PLAC1: variants seen among roughly 807,000 people sequenced by gnomAD.
The protein encoded by PLAC1 is placenta-specific protein 1.
For missense variants in PLAC1, 136 were observed against 163.2 expected (o/e 0.83, Z 0.91); for synonymous variants, 68 against 62.1 (o/e 1.09, Z -0.44).
At chrX:134,758,644 C>G (rs1367301998) in intron 1 of PLAC1, among the ~76,000 whole-genome samples, 1 of 111,848 alleles carries the variant, frequency 8.9e-6, no homozygotes, top group Non-Finnish European at 1.9e-5. Context: ...AAAATCGACT[C>G]AAAATGGATT....
In PLAC1 at chrX:134,566,279, T is replaced by A; in HGVS notation, c.404A>T (p.Lys135Met). The stretch of plus-strand genomic sequence containing the variant: ...ATCCTTCTGGGCTGTGGCCCTGCTC[T>A]TGCTGGCTACTCTCATGGAGCAGGG... ...TKPCSMRVAS[K>M]SRATAQKDEK... Residue 135 changes from lysine (K) to methionine (M), a missense_variant, in exon 3 of 3, where the codon AAG (lysine) becomes ATG (methionine). Coordinates refer to ENST00000359237, the MANE Select transcript of PLAC1 (RefSeq NM_021796.4). 1.7e-6 allele frequency: 2 copies of A among 1,211,950 alleles called. No homozygotes were observed. The highest frequency in any genetic ancestry group is 2.2e-6 in the Non-Finnish European group (2 of 895,457).
intron 2 of PLAC1, among the ~76,000 whole-genome samples, chrX:134,706,120 G>GT (rs777259436): frequency 1.8e-5 from 2 of 112,590 alleles, no homozygotes; most frequent in Non-Finnish European, 3.8e-5. Flanking sequence ...GCTAGCCAGT[G>GT]TATCAGAAAA....
In PLAC1 at chrX:134,566,369, G is replaced by A. The variant is rs766640175; in HGVS notation, c.314C>T (p.Thr105Met). ...CACTGGGATCACAAACTTAGATGGC[G>A]TGCCCTTAGAAGAGTAGTGTATCTC... ...STEIHYSSKGTPSKFVIPVSC... is the reference protein window; with the variant it reads ...STEIHYSSKGMPSKFVIPVSC... Residue 105 changes from threonine (T) to methionine (M), a missense_variant, in exon 3 of 3, where the codon ACG becomes ATG. Thr to Met is a moderately conservative substitution (Grantham distance 81). Coordinates refer to ENST00000359237, the MANE Select transcript of PLAC1 (RefSeq NM_021796.4). The A allele has an allele frequency of 1.7e-5, 21 of 1,209,684 alleles. No individual in the cohort carries two copies. Among genetic ancestry groups the A allele is most frequent in the African/African-American group, 7.0e-5 (4 of 57,104 alleles).
rs191855665 is a variant in PLAC1 at position 134,694,458 on chromosome X, T to G, written n.174+38977A>C. On this transcript the variant is annotated intron_variant and non_coding_transcript_variant, in intron 2 of 2. Transcript: ENST00000466797. Reference sequence around the variant, plus strand: ...CAGCTGAGCACCTGGCAATTTCCTATTGATGCCTGTTCAGCTGTCACCTTC... The same window carrying G: ...CAGCTGAGCACCTGGCAATTTCCTAGTGATGCCTGTTCAGCTGTCACCTTC... 3.3e-3 allele frequency among the ~76,000 whole-genome samples: 373 copies of G among 111,805 alleles called. 1 individual carries two copies. The highest frequency in any genetic ancestry group is 5.3e-3 in the Non-Finnish European group (282 of 53,188).
At chrX:134,763,060 T>C (rs931323302) in intron 1 of PLAC1, among the ~76,000 whole-genome samples, 3 of 110,723 alleles carry the variant, frequency 2.7e-5, no homozygotes, top group Non-Finnish European at 5.7e-5. Context: ...TGCTATGAGA[T>C]GTTAATTTTG....
chrX:134,694,958 A>T, intron 2 of PLAC1, among the ~76,000 whole-genome samples: 1 of 112,167 alleles, frequency 8.9e-6, no homozygotes, highest in East Asian at 2.8e-4. Context: ...CATCCTAAGG[A>T]TGTTTTGAAA....
chrX:134,578,152 G>A (rs1166369967), intron 2 of PLAC1, among the ~76,000 whole-genome samples: 3 of 111,290 alleles, frequency 2.7e-5, no homozygotes, highest in Non-Finnish European at 5.7e-5. Context: ...AGTGGCTCAC[G>A]CCTGTAATCC....
At chrX:134,759,630 G>C (rs2078765156) in intron 1 of PLAC1, among the ~76,000 whole-genome samples, 1 of 111,962 alleles carries the variant, frequency 8.9e-6, no homozygotes, top group Non-Finnish European at 1.9e-5. Context: ...GTTTACTGCA[G>C]CACTCTTCAA....
chrX:134,670,608 C>G (rs2078452347), intron 2 of PLAC1, among the ~76,000 whole-genome samples: 1 of 111,431 alleles, frequency 9.0e-6, no homozygotes, highest in African/African-American at 3.3e-5. Context: ...AGTCCCTGAG[C>G]ACACCACCAA....
intron 1 of PLAC1, among the ~76,000 whole-genome samples, chrX:134,654,351 A>G (rs1175497440): frequency 1.8e-5 from 2 of 112,047 alleles, no homozygotes; most frequent in African/African-American, 6.5e-5. Context: ...CAAATACCCA[A>G]ATGATTCTTA....
chrX:134,760,254 G>A (rs955561697), intron 1 of PLAC1: 1 of 111,623 alleles, frequency 9.0e-6, no homozygotes, highest in East Asian at 2.8e-4. Flanking sequence ...TATATTTCAA[G>A]CCATCATGGC....
upstream of PLAC1, among the ~76,000 whole-genome samples, chrX:134,660,340 G>A (rs1200399938): frequency 9.0e-6 from 1 of 111,274 alleles, no homozygotes; most frequent in African/African-American, 3.3e-5. Context: ...TCCTGACCTC[G>A]GGTGATCCAC....
chrX:134,583,456 C>T lies in PLAC1; in HGVS notation c.-58-16716G>A, dbSNP rs140503267. Among the ~76,000 whole-genome samples, 278 of 99,245 alleles carry T rather than the reference C, an allele frequency of 2.8e-3. 6 individuals are homozygous for T. Among genetic ancestry groups the T allele is most frequent in the African/African-American group, 9.6e-3 (260 of 26,949 alleles). The allele number at this position is 99,245 out of a possible 115,157, so 86.2% of individuals were successfully genotyped here. On this transcript the variant is annotated intron_variant, in intron 2 of 2. Transcript: ENST00000359237. ...GTTGTTTTTTTTTTTTTTAAATGCC[C>T]AGAGAATTGGAGATATACAGACCTA... is the stretch of plus-strand genomic sequence containing the variant.
chrX:134,699,885 T>A (rs745997149), intron 2 of PLAC1, among the ~76,000 whole-genome samples: 11 of 112,188 alleles, frequency 9.8e-5, no homozygotes, highest in Non-Finnish European at 2.1e-4. Flanking sequence ...CTGGTGTAAC[T>A]AATCTACCCC....
At chrX:134,674,408 G>T (rs1339787473) in intron 2 of PLAC1, among the ~76,000 whole-genome samples, 1 of 112,169 alleles carries the variant, frequency 8.9e-6, no homozygotes, top group African/African-American at 3.2e-5. Context: ...TGGAAGGGTT[G>T]GGGTAAGGGC....
At chrX:134,595,598 T>A (rs1357194210) in intron 2 of PLAC1, among the ~76,000 whole-genome samples, 3 of 97,770 alleles carry the variant, frequency 3.1e-5, no homozygotes, top group African/African-American at 1.2e-4. Flanking sequence ...TTTATATATA[T>A]AATATATATA....
intron 2 of PLAC1, among the ~76,000 whole-genome samples, chrX:134,582,949 G>A (rs1215012290): frequency 9.0e-6 from 1 of 111,302 alleles, no homozygotes; most frequent in Admixed American, 9.6e-5. Context: ...ACTAACTTTG[G>A]GAATTACTTT....
chrX:134,648,158 A>C (rs926393224), intron 1 of PLAC1, among the ~76,000 whole-genome samples: 3 of 111,148 alleles, frequency 2.7e-5, no homozygotes, highest in Admixed American at 9.6e-5. Context: ...GAAGAGTAAA[A>C]TACGCCTGGG....
At chrX:134,662,275 G>A (rs769630782), upstream of PLAC1, among the ~76,000 whole-genome samples, 2 of 111,407 alleles carry the variant, frequency 1.8e-5, no homozygotes, top group African/African-American at 3.3e-5. Context: ...ATACATATGC[G>A]AAACTCATCC....
Sources: allele counts gnomAD v4.1 joint callset (sites outside exome capture counted in the v4.1 genomes callset), GRCh38; gene constraint gnomAD v4.1.1; transcripts MANE v1.5; gene names NCBI Gene and HGNC (gene_info 2026-07-23, HGNC 2026-07-21).